SLC35F3: variants seen among roughly 807,000 people sequenced by gnomAD.
SLC35F3 encodes putative thiamine transporter SLC35F3.
SLC35F3 carries 25 observed loss-of-function variants against 49.9 expected under a neutral mutation model. That is an observed-to-expected ratio of 0.50 (90% confidence interval 0.37 to 0.70). The LOEUF is 0.70. SLC35F3 is among the 30% of genes least tolerant of loss of function. The pLI, the probability that SLC35F3 is intolerant of heterozygous loss-of-function variation, is 0.00. For synonymous variants in SLC35F3, 275 were observed against 265.4 expected (o/e 1.04, Z -0.35); for missense variants, 525 against 639.8 (o/e 0.82, Z 1.94).
chr1:234,289,119 C>T (rs575790478), intron 3 of SLC35F3, among the ~76,000 whole-genome samples: 2 of 152,266 alleles, frequency 1.3e-5, no homozygotes, highest in African/African-American at 4.8e-5. Context: ...AATTGATGTC[C>T]AATGACGTCA....
At chr1:233,999,763 A>G (rs1197720266) in intron 2 of SLC35F3, among the ~76,000 whole-genome samples, 2 of 152,080 alleles carry the variant, frequency 1.3e-5, no homozygotes, top group African/African-American at 2.4e-5. Flanking sequence ...GTGCTACCTT[A>G]CAGTGTATTT....
chr1:234,210,969 C>A (rs1321445779), intron 2 of SLC35F3, among the ~76,000 whole-genome samples: 3 of 152,226 alleles, frequency 2.0e-5, no homozygotes, highest in Admixed American at 1.3e-4. Context: ...GTTTCCTGGG[C>A]CAGGCCCAGG....
intron 3 of SLC35F3, among the ~76,000 whole-genome samples, chr1:234,283,026 A>C (rs138450840): frequency 6.6e-6 from 1 of 152,362 alleles, no homozygotes; most frequent in African/African-American, 2.4e-5. Flanking sequence ...TCTTAAAAGA[A>C]ATAAAGAAAA....
chr1:234,200,622 T>A (rs557909043), intron 2 of SLC35F3, among the ~76,000 whole-genome samples: 1 of 151,626 alleles, frequency 6.6e-6, no homozygotes, highest in South Asian at 2.1e-4. Context: ...AAATTAAGTA[T>A]TTTTTTTTCC....
chr1:234,003,686 A>C (rs1048458262), intron 2 of SLC35F3, among the ~76,000 whole-genome samples: 10 of 152,220 alleles, frequency 6.6e-5, no homozygotes, highest in African/African-American at 2.4e-4. Flanking sequence ...TATGGATTAC[A>C]AAGGACAGCA....
chr1:234,022,818 TTAATAC>T (rs1238016498), intron 2 of SLC35F3, among the ~76,000 whole-genome samples: 1 of 152,202 alleles, frequency 6.6e-6, no homozygotes, highest in Non-Finnish European at 1.5e-5. Flanking sequence ...CTTATTAATA[TTAATAC>T]TAATACTAAT....
intron 3 of SLC35F3, among the ~76,000 whole-genome samples, chr1:234,293,962 A>G (rs1379384331): frequency 6.6e-6 from 1 of 152,232 alleles, no homozygotes; most frequent in Non-Finnish European, 1.5e-5. Flanking sequence ...TGTTCATTTG[A>G]TGCTGAATTC....
intron 2 of SLC35F3, among the ~76,000 whole-genome samples, chr1:234,183,383 T>G (rs1666589312): frequency 7.0e-6 from 1 of 143,358 alleles, no homozygotes; most frequent in Non-Finnish European, 1.5e-5. Context: ...TTTTCTGATT[T>G]TTTTCTGGAT....
intron 2 of SLC35F3, among the ~76,000 whole-genome samples, chr1:233,924,969 C>A (rs933825586): frequency 3.3e-5 from 5 of 152,158 alleles, no homozygotes; most frequent in African/African-American, 4.8e-5. Flanking sequence ...ATCCTGAGTT[C>A]TAGTTTGATT....
chr1:234,051,996 G>C (rs1437276071), intron 2 of SLC35F3, among the ~76,000 whole-genome samples: 2 of 152,196 alleles, frequency 1.3e-5, no homozygotes, highest in African/African-American at 4.8e-5. Flanking sequence ...AAGCCAACTT[G>C]ATCGTGGTGG....
intron 2 of SLC35F3, among the ~76,000 whole-genome samples, chr1:234,117,910 ATATG>A (rs1413003028): frequency 2.5e-5 from 2 of 79,656 alleles, no homozygotes; most frequent in African/African-American, 8.7e-5. Flanking sequence ...AAAAGACTAT[ATATG>A]TGTGTGTGTG....
chr1:234,004,794 A>G (rs1436879561), intron 2 of SLC35F3, among the ~76,000 whole-genome samples: 1 of 152,174 alleles, frequency 6.6e-6, no homozygotes, highest in African/African-American at 2.4e-5. Context: ...ATGCACCTGT[A>G]TCATGCCCCC....
intron 2 of SLC35F3, among the ~76,000 whole-genome samples, chr1:233,919,622 G>T (rs1359953208): frequency 6.6e-6 from 1 of 152,192 alleles, no homozygotes; most frequent in African/African-American, 2.4e-5. Flanking sequence ...GTTTTTAAAG[G>T]ACTCATTGGC....
chr1:234,138,181 G>A (rs542530393), intron 2 of SLC35F3, among the ~76,000 whole-genome samples: 1 of 152,152 alleles, frequency 6.6e-6, no homozygotes, highest in African/African-American at 2.4e-5. Context: ...ATATAACATT[G>A]CCACTTTTGT....
chr1:234,098,318 G>A (rs1419758597), intron 2 of SLC35F3, among the ~76,000 whole-genome samples: 1 of 150,096 alleles, frequency 6.7e-6, no homozygotes, highest in Non-Finnish European at 1.5e-5. Context: ...ATAGGGTGAT[G>A]ATGGAGGTGG....
At chr1:233,906,476 T>A (rs957038567) in intron 2 of SLC35F3, among the ~76,000 whole-genome samples, 1 of 152,188 alleles carries the variant, frequency 6.6e-6, no homozygotes, top group Non-Finnish European at 1.5e-5. Context: ...CATTTCTTTT[T>A]CTCACTTTGC....
intron 2 of SLC35F3, among the ~76,000 whole-genome samples, chr1:234,004,542 A>G (rs542835572): frequency 6.6e-6 from 1 of 151,736 alleles, no homozygotes; most frequent in Non-Finnish European, 1.5e-5. Flanking sequence ...GGAACAAAAT[A>G]TATGCTGATG....
At chr1:234,004,884 T>G (rs1231666759) in intron 2 of SLC35F3, among the ~76,000 whole-genome samples, 1 of 152,152 alleles carries the variant, frequency 6.6e-6, no homozygotes, top group African/African-American at 2.4e-5. Context: ...AATCATCCTC[T>G]CACTTGCAAA....
intron 2 of SLC35F3, among the ~76,000 whole-genome samples, chr1:233,971,471 C>T (rs1429620522): frequency 3.9e-5 from 6 of 152,178 alleles, no homozygotes; most frequent in African/African-American, 1.4e-4. Flanking sequence ...CGTGAAATCC[C>T]AGCACTTTGG....
Sources: gnomAD v4.1 joint callset for allele counts (sites outside exome capture counted in the v4.1 genomes callset) on GRCh38, gnomAD v4.1.1 for gene constraint, MANE v1.5 for transcripts, NCBI Gene and HGNC (gene_info 2026-07-23, HGNC 2026-07-21) for gene names.